Variants in SGCZ observed in about 807,000 individuals in gnomAD.
The protein encoded by SGCZ is sarcoglycan zeta, also known as zeta-sarcoglycan.
In SGCZ, 40 loss-of-function variants were observed where a neutral mutation model predicts 41.3. The observed-to-expected ratio is 0.97, with a 90% confidence interval of 0.75 to 1.26. The LOEUF (loss-of-function observed/expected upper bound fraction) is 1.26. Among genes scored for constraint, SGCZ ranks in the 50% most tolerant of loss-of-function variants. The pLI, the probability that SGCZ is intolerant of heterozygous loss-of-function variation, is 0.00. For missense variants in SGCZ, 552 were observed against 369.8 expected (o/e 1.49, Z -4.04); for synonymous variants, 206 against 137.5 (o/e 1.50, Z -3.49).
chr8:15,192,585 C>G (rs573409273), intron 1 of SGCZ, among the ~76,000 whole-genome samples: 1 of 152,246 alleles, frequency 6.6e-6, no homozygotes, highest in East Asian at 1.9e-4. Flanking sequence ...GGGACAGCCA[C>G]TAACGACTAA....
intron 1 of SGCZ, among the ~76,000 whole-genome samples, chr8:14,921,154 G>C (rs1429432159): frequency 6.6e-6 from 1 of 152,184 alleles, no homozygotes; most frequent in Non-Finnish European, 1.5e-5. Context: ...TTCAAGCTCT[G>C]AATCTTCTCA....
intron 1 of SGCZ, among the ~76,000 whole-genome samples, chr8:15,037,736 C>A (rs944961652): frequency 1.3e-5 from 2 of 152,096 alleles, no homozygotes; most frequent in Non-Finnish European, 2.9e-5. Flanking sequence ...ATGCTAAAGA[C>A]TCTACCAAAA....
At position 14,295,625 on chromosome 8, in the gene SGCZ, T is replaced by G. The variant is rs556454745; in HGVS notation, c.336+28478A>C. On this transcript the variant is annotated intron_variant, in intron 3 of 7. Coordinates refer to ENST00000382080, the MANE Select transcript of SGCZ (RefSeq NM_139167.4). ...GAACTATAACTGAGGGTAATATACA[T>G]TTTTGGTCATGGACAACAAAAAATA... Among the ~76,000 whole-genome samples the G allele has an allele frequency of 1.1e-4, 16 of 152,276 alleles. 1 individual carries two copies. In the South Asian group the frequency reaches 3.3e-3, roughly 32 times the overall value.
At chr8:14,162,192 A>G in intron 5 of SGCZ, among the ~76,000 whole-genome samples, 1 of 152,300 alleles carries the variant, frequency 6.6e-6, no homozygotes, top group African/African-American at 2.4e-5. Flanking sequence ...AGGTAATACA[A>G]ATATCAGAAG....
intron 1 of SGCZ, among the ~76,000 whole-genome samples, chr8:14,883,808 C>A (rs1804686144): frequency 6.9e-6 from 1 of 143,926 alleles, no homozygotes; most frequent in African/African-American, 2.6e-5. Flanking sequence ...CCAATAGTAC[C>A]CTTCTTCTAT....
chr8:14,443,827 A>C (rs535592002), intron 2 of SGCZ, among the ~76,000 whole-genome samples: 5,593 of 151,078 alleles, frequency 0.037, 168 homozygotes, highest in African/African-American at 0.076. Context: ...TAATTAAACT[A>C]AAGAGCTTCT....
intron 1 of SGCZ, among the ~76,000 whole-genome samples, chr8:14,775,389 A>G (rs1800370722): frequency 6.6e-6 from 1 of 151,904 alleles, no homozygotes; most frequent in African/African-American, 2.4e-5. Flanking sequence ...ATCACAAAGA[A>G]TCATTCACTT....
At chr8:15,083,820 T>G (rs1171378360) in intron 1 of SGCZ, among the ~76,000 whole-genome samples, 1 of 152,104 alleles carries the variant, frequency 6.6e-6, no homozygotes, top group Admixed American at 6.6e-5. Flanking sequence ...TCTCTAGCTC[T>G]TGGGCTCAAA....
At chr8:14,956,919 A>G (rs1373820169) in intron 1 of SGCZ, among the ~76,000 whole-genome samples, 1 of 152,134 alleles carries the variant, frequency 6.6e-6, no homozygotes, top group African/African-American at 2.4e-5. Flanking sequence ...AATTGACAGC[A>G]TATTTTTTCT....
At chr8:14,288,843 G>C (rs953238315) in intron 3 of SGCZ, among the ~76,000 whole-genome samples, 1 of 152,032 alleles carries the variant, frequency 6.6e-6, no homozygotes, top group Non-Finnish European at 1.5e-5. Flanking sequence ...TTATCTTTTG[G>C]ATGACTGTGA....
intron 1 of SGCZ, among the ~76,000 whole-genome samples, chr8:14,558,249 G>C (rs999422239): frequency 6.6e-6 from 1 of 152,042 alleles, no homozygotes; most frequent in Non-Finnish European, 1.5e-5. Context: ...AGAAGAATTG[G>C]TATCAATCCT....
At chr8:14,961,520 T>G (rs1283998254) in intron 1 of SGCZ, among the ~76,000 whole-genome samples, 1 of 152,160 alleles carries the variant, frequency 6.6e-6, no homozygotes, top group African/African-American at 2.4e-5. Flanking sequence ...TTTATCACAT[T>G]ATATTGTTAT....
chr8:15,038,840 G>GAAAA (rs1803970064), intron 1 of SGCZ, among the ~76,000 whole-genome samples: 1 of 125,942 alleles, frequency 7.9e-6, no homozygotes, highest in Non-Finnish European at 1.7e-5. Context: ...AAAAAAAAAA[G>GAAAA]AAAGAAAGAA....
intron 2 of SGCZ, among the ~76,000 whole-genome samples, chr8:14,367,334 C>G (rs1383904588): frequency 6.6e-6 from 1 of 152,008 alleles, no homozygotes; most frequent in Non-Finnish European, 1.5e-5. Flanking sequence ...TCCAAACATC[C>G]CCACATCTTC....
chr8:15,064,382 C>G (rs991681549), intron 1 of SGCZ, among the ~76,000 whole-genome samples: 1 of 152,054 alleles, frequency 6.6e-6, no homozygotes, highest in African/African-American at 2.4e-5. Context: ...CTCCTATCCC[C>G]GCACATATAT....
intron 4 of SGCZ, among the ~76,000 whole-genome samples, chr8:14,166,358 G>C (rs1474251190): frequency 6.6e-6 from 1 of 152,102 alleles, no homozygotes; most frequent in African/African-American, 2.4e-5. Flanking sequence ...ATTTGAGTGT[G>C]ATTTGTTCTA....
At chr8:14,486,188 T>C (rs913360819) in intron 2 of SGCZ, among the ~76,000 whole-genome samples, 13 of 152,228 alleles carry the variant, frequency 8.5e-5, no homozygotes, top group African/African-American at 2.7e-4. Flanking sequence ...ATCTTTTGGT[T>C]GCCATTTTAA....
intron 1 of SGCZ, among the ~76,000 whole-genome samples, chr8:14,829,818 G>C (rs1802465142): frequency 6.6e-6 from 1 of 151,830 alleles, no homozygotes; most frequent in Non-Finnish European, 1.5e-5. Flanking sequence ...GTTTTGTTTT[G>C]TTTTTGTTTT....
At chr8:14,392,169 T>G (rs1217910451) in intron 2 of SGCZ, among the ~76,000 whole-genome samples, 1 of 152,188 alleles carries the variant, frequency 6.6e-6, no homozygotes, top group African/African-American at 2.4e-5. Context: ...GTTATTTTAA[T>G]TCAATAATAG....
Sources: gnomAD v4.1 joint callset for allele counts (sites outside exome capture counted in the v4.1 genomes callset) on GRCh38, gnomAD v4.1.1 for gene constraint, MANE v1.5 for transcripts, NCBI Gene and HGNC (gene_info 2026-07-23, HGNC 2026-07-21) for gene names.